The following SMOC1 variants were observed in gnomAD, a reference collection of about 807,000 sequenced individuals.
SMOC1 encodes SPARC related modular calcium binding 1, also known as SPARC-related modular calcium-binding protein 1.
Under a neutral mutation model 56.3 loss-of-function variants are expected in SMOC1, and 22 were observed. That is an observed-to-expected ratio of 0.39 (90% confidence interval 0.28 to 0.56). SMOC1 has a LOEUF of 0.56. Ranked by LOEUF, SMOC1 falls within the 20% of genes least tolerant of loss-of-function variation. The pLI is 0.61. For missense variants in SMOC1, 509 were observed against 565.4 expected, an observed-to-expected ratio of 0.90 and a Z score of 1.01; for synonymous variants, 193 against 215.0, an observed-to-expected ratio of 0.90 and a Z score of 0.89.
At chr14:69,902,733 C>A (rs1445098089) in intron 1 of SMOC1, among the ~76,000 whole-genome samples, 1 of 152,250 alleles carries the variant, frequency 6.6e-6, no homozygotes, top group African/African-American at 2.4e-5. Context: ...TCTCCTGCCT[C>A]AGCCTGCCGA....
chr14:70,003,236 A>G (rs965358956), intron 7 of SMOC1, among the ~76,000 whole-genome samples: 1 of 152,222 alleles, frequency 6.6e-6, no homozygotes, highest in African/African-American at 2.4e-5. Context: ...GGGTCACTGT[A>G]GGTGATACAA....
At chr14:69,894,717 C>A (rs1884049925) in intron 1 of SMOC1, among the ~76,000 whole-genome samples, 1 of 152,188 alleles carries the variant, frequency 6.6e-6, no homozygotes, top group Admixed American at 6.5e-5. Context: ...CCTCTTACTG[C>A]ATGACCAGTT....
At chr14:69,903,380 G>A (rs866176286) in intron 1 of SMOC1, among the ~76,000 whole-genome samples, 36 of 152,128 alleles carry the variant, frequency 2.4e-4, no homozygotes, top group African/African-American at 8.7e-4. Flanking sequence ...CCCTCGGCCC[G>A]GCCGCCACCC....
chr14:69,947,153 A>G (rs1348081043), intron 1 of SMOC1, among the ~76,000 whole-genome samples: 2 of 96,392 alleles, frequency 2.1e-5, no homozygotes, highest in Non-Finnish European at 4.4e-5. Context: ...TTCTTCCTTC[A>G]CTCCCTCTTT....
At chr14:69,900,908 T>C (rs868190099) in intron 1 of SMOC1, among the ~76,000 whole-genome samples, 5 of 152,258 alleles carry the variant, frequency 3.3e-5, no homozygotes, top group African/African-American at 9.6e-5. Context: ...CTGGCCATTA[T>C]TAGCAAAATC....
At chr14:69,883,456 A>G (rs1883702436) in intron 1 of SMOC1, among the ~76,000 whole-genome samples, 1 of 152,164 alleles carries the variant, frequency 6.6e-6, no homozygotes, top group Non-Finnish European at 1.5e-5. Flanking sequence ...AAATGACAGG[A>G]CTTCATTCTT....
At chr14:69,898,634 G>T (rs58810683) in intron 1 of SMOC1, among the ~76,000 whole-genome samples, 1 of 151,816 alleles carries the variant, frequency 6.6e-6, no homozygotes, top group African/African-American at 2.4e-5. Context: ...GTTTCTTTTT[G>T]ATTATTTCTC....
chr14:69,883,737 T>TC (rs1883710211), intron 1 of SMOC1, among the ~76,000 whole-genome samples: 1 of 152,194 alleles, frequency 6.6e-6, no homozygotes, highest in Non-Finnish European at 1.5e-5. Flanking sequence ...TAATTTATGT[T>TC]CCCACCAACA....
At position 70,013,630 on chromosome 14, in the gene SMOC1, A is replaced by T. The variant is rs544007346; in HGVS notation, c.1046+139A>T. 5 of 760,658 alleles carry T rather than the reference A, an allele frequency of 6.6e-6. No homozygotes were observed. In the African/African-American group the frequency reaches 8.6e-5, roughly 13 times the overall value. 47.1% of individuals were successfully genotyped at this position (760,658 alleles called of 1,614,324 possible). ...GTTGATCTTTTTCCTGAAACCATGT[A>T]CCCATAGCTTTGACCCGCCTTCTGT... On this transcript the variant is annotated intron_variant, in intron 10 of 11. Transcript: ENST00000361956.
intron 1 of SMOC1, among the ~76,000 whole-genome samples, chr14:69,919,114 G>T (rs570966263): frequency 2.0e-5 from 3 of 152,282 alleles, no homozygotes; most frequent in African/African-American, 7.2e-5. Context: ...GTTACTTTTT[G>T]CAGAAGAGGG....
chr14:69,974,787 T>C (rs2139500260), intron 3 of SMOC1, among the ~76,000 whole-genome samples: 1 of 152,218 alleles, frequency 6.6e-6, no homozygotes, highest in Non-Finnish European at 1.5e-5. Context: ...GACCTGATCT[T>C]GGAGGCTTGA....
chr14:69,999,093 A>G (rs1428855890), intron 7 of SMOC1, among the ~76,000 whole-genome samples: 1 of 152,194 alleles, frequency 6.6e-6, no homozygotes, highest in Non-Finnish European at 1.5e-5. Flanking sequence ...TTACCATGAA[A>G]GTGACACCCT....
At chr14:69,920,100 C>T (rs1884797183) in intron 1 of SMOC1, among the ~76,000 whole-genome samples, 1 of 152,150 alleles carries the variant, frequency 6.6e-6, no homozygotes, top group South Asian at 2.1e-4. Context: ...GAGCAAGGCC[C>T]AGAGCCTCTA....
intron 5 of SMOC1, among the ~76,000 whole-genome samples, chr14:69,989,672 G>A (rs1300430245): frequency 6.6e-6 from 1 of 152,204 alleles, no homozygotes; most frequent in Admixed American, 6.5e-5. Context: ...TGTGAAGGGG[G>A]ATTTGGAGTG....
At chr14:70,013,224 T>A (rs1053286245) in intron 9 of SMOC1, among the ~76,000 whole-genome samples, 162 bp from the exon 10 acceptor site, 2 of 152,238 alleles carry the variant, frequency 1.3e-5, no homozygotes, top group African/African-American at 4.8e-5. Flanking sequence ...GTAAAGGAAC[T>A]ATGGAAGTTT....
At chr14:69,969,940 GA>G (rs1337563098) in intron 3 of SMOC1, among the ~76,000 whole-genome samples, 1 of 152,266 alleles carries the variant, frequency 6.6e-6, no homozygotes, top group East Asian at 1.9e-4. Flanking sequence ...GAAAAGAGAA[GA>G]AAGTGGGCAC....
chr14:69,929,106 C>T (rs1566677187), intron 1 of SMOC1, among the ~76,000 whole-genome samples: 1 of 152,260 alleles, frequency 6.6e-6, no homozygotes, highest in East Asian at 1.9e-4. Context: ...CTTGAGGTGG[C>T]ATCTCATGTC....
At chr14:69,940,282 A>G (rs1882503508) in intron 1 of SMOC1, among the ~76,000 whole-genome samples, 1 of 152,182 alleles carries the variant, frequency 6.6e-6, no homozygotes, top group African/African-American at 2.4e-5. Flanking sequence ...CACTGGGTGC[A>G]AAGAGCTACC....
intron 1 of SMOC1, among the ~76,000 whole-genome samples, chr14:69,898,243 T>A (rs1244258119): frequency 2.0e-5 from 3 of 152,164 alleles, no homozygotes; most frequent in Admixed American, 2.0e-4. Context: ...AGTTTGAATA[T>A]GATATGACTA....
Sources: gnomAD v4.1 joint callset for allele counts (sites outside exome capture counted in the v4.1 genomes callset) on GRCh38, gnomAD v4.1.1 for gene constraint, MANE v1.5 for transcripts, NCBI Gene and HGNC (gene_info 2026-07-23, HGNC 2026-07-21) for gene names.